DACT3: variants seen among roughly 807,000 people sequenced by gnomAD.
DACT3 encodes dapper homolog 3.
A neutral mutation model predicts 19.6 loss-of-function variants in DACT3; 5 were observed. The observed-to-expected ratio is 0.26, with a 90% CI of 0.13 to 0.54. The LOEUF (loss-of-function observed/expected upper bound fraction) is 0.54. DACT3 is among the 20% of genes least tolerant of loss of function. The probability of loss-of-function intolerance (pLI) is 0.95; values close to 1 mark genes in which losing one functional copy is unlikely to be tolerated. For missense variants in DACT3, 908 were observed against 927.4 expected (o/e 0.98, Z 0.27); for synonymous variants, 454 against 428.1 (o/e 1.06, Z -0.75).
At chr19:46,655,179 A>G in intron 1 of DACT3, 2 of 438,028 alleles carry the variant, frequency 4.6e-6, no homozygotes, top group Non-Finnish European at 6.1e-6. Flanking sequence ...TGTTTCCCCC[A>G]CATACCTTCC....
At position 46,648,818 on chromosome 19, in the gene DACT3, C is replaced by A; in HGVS notation, c.1554G>T (p.Ala518=). ...APQRRLLYGC[A]GSDSECSAGR... ...CAGCCGAGCACTCGGAGTCGCTGCC[C>A]GCGCAGCCGTAAAGCAGACGACGCT... The change falls in exon 4 of 4, where the codon GCG becomes GCT. Residue 518 remains alanine, a synonymous_variant. Coordinates refer to ENST00000391916, the MANE Select transcript of DACT3 (RefSeq NM_145056.3). This position sits in a 1 kb window ranked among gnomAD's most constrained non-coding sequence, Gnocchi z 5.1. The A allele has an allele frequency of 1.3e-6, 2 of 1,523,626 alleles. No individual in the cohort carries two copies. The highest frequency in any genetic ancestry group is 1.8e-6 in the Non-Finnish European group (2 of 1,142,798). The allele number at this position is 1,523,626 out of a possible 1,614,324, so 94.4% of individuals were successfully genotyped here.
Position 46,647,836 on chromosome 19 carries a change from C to T in DACT3, c.*646G>A, listed in dbSNP as rs564049220. 2.0e-5 allele frequency: 3 copies of T among 152,644 alleles called. No individual in the cohort carries two copies. The highest frequency in any genetic ancestry group is 2.1e-4 in the South Asian group (1 of 4,818). 9.5% of individuals were successfully genotyped at this position (152,644 alleles called of 1,614,324 possible). ...CATCTTCCTTCCCCTCTTCTACCTCCGAATCCTCCATAATTGTCCAGGGAT... is the reference window on the plus strand; with the variant it reads ...CATCTTCCTTCCCCTCTTCTACCTCTGAATCCTCCATAATTGTCCAGGGAT... On this transcript the variant is annotated 3_prime_UTR_variant, in exon 4 of 4. Transcript: ENST00000391916.
At position 46,653,145 on chromosome 19, in the gene DACT3, G is replaced by A. The variant is rs1298167623; in HGVS notation, c.250-70C>T. 3.3e-6 allele frequency: 5 copies of A among 1,532,652 alleles called. No homozygotes were observed. The South Asian group carries it at 3.6e-5, about 11-fold the overall frequency. The allele number at this position is 1,532,652 out of a possible 1,614,324, so 94.9% of individuals were successfully genotyped here. A position where few individuals can be genotyped will look rare whatever the true frequency, so the allele number is the denominator to read the frequency against. On this transcript the variant is annotated intron_variant, in intron 1 of 3. Transcript: ENST00000391916. ...TCTGCCGACTGGTCCCCTATTCCAC[G>A]AGCTCATGGGCAGAGTTTCACTTTG... is the stretch of plus-strand genomic sequence containing the variant.
At chr19:46,656,803 T>C (rs1026713967) in intron 1 of DACT3, among the ~76,000 whole-genome samples, 3 of 152,184 alleles carry the variant, frequency 2.0e-5, no homozygotes, top group African/African-American at 7.2e-5. Flanking sequence ...ATATATATAG[T>C]ATGAGTGACT....
intron 1 of DACT3, among the ~76,000 whole-genome samples, chr19:46,653,539 T>TTATTTTTATTTATTTA (rs1555822615): frequency 7.1e-6 from 1 of 141,152 alleles, no homozygotes; most frequent in Non-Finnish European, 1.5e-5. Flanking sequence ...CTTTTTTTAT[T>TTATTTTTATTTATTTA]TTTATTTATT....
rs1057121432 is a variant in DACT3, at chr19:46,655,508, G to A, written c.250-2433C>T. ...TGTGCCTGTAATCCCAGCTACCCAA[G>A]AGGCTGAAGCAGGAGAATTGCTTGA... On this transcript the variant is annotated intron_variant, in intron 1 of 3. Coordinates refer to ENST00000391916, the MANE Select transcript of DACT3 (RefSeq NM_145056.3). Among the ~76,000 whole-genome samples, 4 of 152,154 alleles carry A rather than the reference G, an allele frequency of 2.6e-5. No homozygotes were observed. The East Asian group carries it at 7.7e-4, about 29-fold the overall frequency.
In DACT3 at chr19:46,660,449, G is replaced by A. The variant is rs1375114001; in HGVS notation, c.249+367C>T. On this transcript the variant is annotated intron_variant, in intron 1 of 3. Transcript: ENST00000391916. This position sits in a 1 kb window ranked among gnomAD's most constrained non-coding sequence, Gnocchi z 4.9. ...TCTCTGAGCCTCAATTTGTTTCTCT[G>A]TTAAATGGGGACTATCACCCCGTTT... The A allele has an allele frequency of 1.4e-5, 3 of 220,154 alleles. No homozygotes were observed. The highest frequency in any genetic ancestry group is 2.7e-5 in the Non-Finnish European group (3 of 111,436). The allele number at this position is 220,154 out of a possible 1,614,324, so 13.6% of individuals were successfully genotyped here.
chr19:46,649,377 G>C lies in DACT3; in HGVS notation c.995C>G (p.Ala332Gly). The change falls in exon 4 of 4, where the codon GCG becomes GGG. Residue 332 changes from alanine (A) to glycine (G), a missense_variant. By Grantham distance (60) the Ala-to-Gly change is moderately conservative. This residue lies in a region of DACT3 where 656 missense variants were observed against 601.8 expected (regional missense o/e 1.09). Coordinates refer to ENST00000391916, the MANE Select transcript of DACT3 (RefSeq NM_145056.3). Reference protein sequence around the residue: ...RAWASSWESEAAPEPAAPPAA... With the variant: ...RAWASSWESEGAPEPAAPPAA... ...GGGCGGCGCAGCGGGCTCGGGTGCC[G>C]CCTCCGACTCCCACGACGACGCCCA... is the stretch of plus-strand genomic sequence containing the variant. The C allele has an allele frequency of 7.8e-7, 1 of 1,275,322 alleles. No homozygotes were observed. Among genetic ancestry groups the C allele is most frequent in the Non-Finnish European group, 1.0e-6 (1 of 1,003,776 alleles). The allele number at this position is 1,275,322 out of a possible 1,614,324, so 79.0% of individuals were successfully genotyped here.
chr19:46,660,725 G>T lies in DACT3; in HGVS notation c.249+91C>A. The T allele has an allele frequency of 1.4e-6, 2 of 1,396,546 alleles. No homozygotes were observed. Among genetic ancestry groups the T allele is most frequent in the Non-Finnish European group, 1.9e-6 (2 of 1,080,364 alleles). The allele number at this position is 1,396,546 out of a possible 1,614,324, so 86.5% of individuals were successfully genotyped here. On this transcript the variant is annotated intron_variant, in intron 1 of 3. Coordinates refer to ENST00000391916, the MANE Select transcript of DACT3 (RefSeq NM_145056.3). This position sits in a 1 kb window ranked among gnomAD's most constrained non-coding sequence, Gnocchi z 4.9. ...CCTTTCTCACTCCCTGCCTACCCGG[G>T]TCCCCAACCCCCGCCCGGTGTCTGA...
chr19:46,648,936 G>A lies in DACT3; in HGVS notation c.1436C>T (p.Thr479Ile). 1 of 1,344,948 alleles carries A rather than the reference G, an allele frequency of 7.4e-7. No homozygotes were observed. Among genetic ancestry groups the A allele is most frequent in the South Asian group, 1.8e-5 (1 of 55,036 alleles). 83.3% of individuals were successfully genotyped at this position (1,344,948 alleles called of 1,614,324 possible). ...CCCATCGGCAGCGTCGATCTCCGCA[G>A]TGGAGCGCCAGCGACGGCAGGACCC... ...AAGSCRRWRSTAEIDAADGRR... is the reference protein window; with the variant it reads ...AAGSCRRWRSIAEIDAADGRR... Residue 479 changes from threonine (T) to isoleucine (I), a missense_variant, in exon 4 of 4, where the codon ACT becomes ATT. By Grantham distance (89) the Thr-to-Ile change is moderately conservative (BLOSUM62 -1). Around this residue, in one of 2 missense-constraint regions of DACT3, gnomAD observed 656 missense variants for 601.8 expected, o/e 1.09. Transcript: ENST00000391916. This position sits in a 1 kb window ranked among gnomAD's most constrained non-coding sequence, Gnocchi z 5.1.
chr19:46,651,753 G>C (rs1348965541), intron 3 of DACT3: 1 of 151,580 alleles, frequency 6.6e-6, no homozygotes, highest in Non-Finnish European at 1.5e-5. Context: ...AGGCTGGAGC[G>C]CAGTGACACC....
At chr19:46,651,644 T>TTGTGTGTGTGTGTGTG (rs10600060) in intron 3 of DACT3, 4 of 134,734 alleles carry the variant, frequency 3.0e-5, no homozygotes, top group East Asian at 4.5e-4. Flanking sequence ...CAGGCACTGT[T>TTGTGTGTGTGTGTGTG]TGTGTGTGTG....
chr19:46,648,245 C>G lies in DACT3; in HGVS notation c.*237G>C. The G allele has an allele frequency of 1.6e-6, 1 of 619,572 alleles. No homozygotes were observed. Among genetic ancestry groups the G allele is most frequent in the South Asian group, 2.0e-5 (1 of 50,154 alleles). The allele number at this position is 619,572 out of a possible 1,614,324, so 38.4% of individuals were successfully genotyped here. On this transcript the variant is annotated 3_prime_UTR_variant, in exon 4 of 4. Transcript: ENST00000391916. The surrounding 1 kb of genome is among the most constrained non-coding windows in gnomAD (Gnocchi z 5.1). ...GTGACGCCCAGAGAAGGGGAACTGT[C>G]TTGCCCAAGGGCTTCCAAGCTAGAA...
chr19:46,660,920 G>C lies in DACT3; in HGVS notation c.145C>G (p.Gln49Glu). ...GCCTCGGCGCCCCCCATTCCGGGCT[G>C]GGCCAGCCGCAGCGCCTGCTGCACG... ...YRVQQALRLAQPGMGGAEAED... is the reference protein window; with the variant it reads ...YRVQQALRLAEPGMGGAEAED... The change falls in exon 1 of 4, where the codon CAG becomes GAG. Residue 49 changes from glutamine (Q) to glutamate (E), a missense_variant. Around this residue, in one of 2 missense-constraint regions of DACT3, gnomAD observed 252 missense variants for 325.6 expected, o/e 0.77. Coordinates refer to ENST00000391916, the MANE Select transcript of DACT3 (RefSeq NM_145056.3). This position sits in a 1 kb window ranked among gnomAD's most constrained non-coding sequence, Gnocchi z 4.9. 1 of 1,539,014 alleles carries C rather than the reference G, an allele frequency of 6.5e-7. No individual in the cohort carries two copies. The highest frequency in any genetic ancestry group is 8.7e-7 in the Non-Finnish European group (1 of 1,145,974).
chr19:46,652,761 G>T lies in DACT3; in HGVS notation c.398C>A (p.Thr133Asn). The change falls in exon 3 of 4, where the codon ACC becomes AAC. Residue 133 changes from threonine (T) to asparagine (N), a missense_variant. By Grantham distance (65) the Thr-to-Asn change is moderately conservative. Around this residue, in one of 2 missense-constraint regions of DACT3, gnomAD observed 252 missense variants for 325.6 expected, o/e 0.77. Transcript: ENST00000391916. ...AGAGAAGCCACTGTCCCCACAGAAG[G>T]TTGAGGGTGGTGAATCTGGACCTCC... ...STGGPDSPPS[T>N]FCGDSGFSGS... 7 of 1,551,664 alleles carry T rather than the reference G, an allele frequency of 4.5e-6. No homozygotes were observed. Among genetic ancestry groups the T allele is most frequent in the South Asian group, 1.2e-5 (1 of 84,060 alleles).
At chr19:46,656,100 G>A (rs747870860) in intron 1 of DACT3, among the ~76,000 whole-genome samples, 3 of 148,672 alleles carry the variant, frequency 2.0e-5, no homozygotes, top group African/African-American at 5.0e-5. Context: ...TAGCTCTACC[G>A]CTCAGGCTGG....
chr19:46,648,749 G>T lies in DACT3; in HGVS notation c.1623C>A (p.Val541=), dbSNP rs764216094. The change falls in exon 4 of 4, where the codon GTC becomes GTA. Residue 541 remains valine (V), a synonymous_variant. Transcript: ENST00000391916. This position sits in a 1 kb window ranked among gnomAD's most constrained non-coding sequence, Gnocchi z 5.1. ...PLGRRGPAGG[V]GGGYGESESS... Reference sequence around the variant, plus strand: ...ATTCGCTCTCCCCGTAACCCCCGCCGACGCCTCCCGCAGGCCCCCGGCGTC... The same window carrying T: ...ATTCGCTCTCCCCGTAACCCCCGCCTACGCCTCCCGCAGGCCCCCGGCGTC... 2 of 1,579,566 alleles carry T rather than the reference G, an allele frequency of 1.3e-6. No homozygotes were observed. Among genetic ancestry groups the T allele is most frequent in the Admixed American group, 3.6e-5 (2 of 54,830 alleles).
At position 46,648,342 on chromosome 19, in the gene DACT3, T is replaced by C; in HGVS notation, c.*140A>G. ...GTGGGGGAGCCTTTTCAACCAAGACTGTTAGGAGTGGGGAGAGTGAGGGGG... is the reference window on the plus strand; with the variant it reads ...GTGGGGGAGCCTTTTCAACCAAGACCGTTAGGAGTGGGGAGAGTGAGGGGG... On this transcript the variant is annotated 3_prime_UTR_variant, in exon 4 of 4. Transcript: ENST00000391916. This position sits in a 1 kb window ranked among gnomAD's most constrained non-coding sequence, Gnocchi z 5.1. 1 of 1,375,612 alleles carries C rather than the reference T, an allele frequency of 7.3e-7. No homozygotes were observed. Among genetic ancestry groups the C allele is most frequent in the Admixed American group, 2.1e-5 (1 of 47,634 alleles). The allele number at this position is 1,375,612 out of a possible 1,614,324, so 85.2% of individuals were successfully genotyped here. A position where few individuals can be genotyped will look rare whatever the true frequency, so the allele number is the denominator to read the frequency against.
At chr19:46,655,673 A>G (rs2053027257) in intron 1 of DACT3, among the ~76,000 whole-genome samples, 1 of 152,094 alleles carries the variant, frequency 6.6e-6, no homozygotes, top group African/African-American at 2.4e-5. Context: ...TGAATCTCTC[A>G]CTAGAATGTC....
Sources: allele counts gnomAD v4.1 joint callset (sites outside exome capture counted in the v4.1 genomes callset), GRCh38; gene constraint gnomAD v4.1.1; regional missense constraint gnomAD v4.1.1; non-coding constraint Gnocchi (gnomAD v3.1); transcripts MANE v1.5; gene names NCBI Gene and HGNC (gene_info 2026-07-23, HGNC 2026-07-21).